Variants in ELOA observed in about 807,000 individuals in gnomAD.
ELOA encodes the protein elongin A.
ELOA carries 15 observed loss-of-function variants against 85.2 expected under a neutral mutation model. The ratio of observed to expected loss-of-function variants is 0.18; its 90% CI spans 0.12 to 0.27. The LOEUF is 0.27. ELOA is among the 10% of genes least tolerant of loss of function. The probability of loss-of-function intolerance (pLI) is 1.00; values close to 1 mark genes in which losing one functional copy is unlikely to be tolerated. For synonymous variants in ELOA, 348 were observed against 357.2 expected, an observed-to-expected ratio of 0.97 and a Z score of 0.29; for missense variants, 769 against 952.7, an observed-to-expected ratio of 0.81 and a Z score of 2.54.
intron 3 of ELOA, among the ~76,000 whole-genome samples, 199 bp downstream of exon 3, chr1:23,750,147 G>A (rs1262426607): frequency 7.1e-6 from 1 of 140,758 alleles, no homozygotes; most frequent in Admixed American, 7.1e-5. Flanking sequence ...AAAGACAAAC[G>A]TTATGAACAT....
intron 10 of ELOA, 78 bp from the exon 11 acceptor site, chr1:23,759,434 G>T: frequency 1.4e-6 from 2 of 1,420,620 alleles, no homozygotes; most frequent in Non-Finnish European, 2.0e-6. Context: ...TAGCAGAGCT[G>T]GCTTTGACTG....
chr1:23,751,137 C>A lies in ELOA; in HGVS notation c.532C>A (p.Gln178Lys). 6.2e-7 allele frequency: 1 copy of A among 1,614,088 alleles called. No individual in the cohort carries two copies. Among genetic ancestry groups the A allele is most frequent in the South Asian group, 1.1e-5 (1 of 91,076 alleles). ...DPESSDYGHV[Q>K]SPPSCTSPHQ... Reference sequence around the variant, plus strand: ...TGAGTCTTCTGATTATGGCCATGTTCAATCCCCTCCATCTTGTACCAGTCC... The same window carrying A: ...TGAGTCTTCTGATTATGGCCATGTTAAATCCCCTCCATCTTGTACCAGTCC... Residue 178 changes from glutamine (Q) to lysine (K), a missense_variant, in exon 4 of 11, where the codon CAA (glutamine) becomes AAA (lysine). Gln to Lys is a moderately conservative substitution (Grantham distance 53, BLOSUM62 1). This residue lies in a region of ELOA where 440 missense variants were observed against 474.0 expected (regional missense o/e 0.93). Coordinates refer to ENST00000613537, the MANE Select transcript of ELOA (RefSeq NM_003198.3).
intron 1 of ELOA, among the ~76,000 whole-genome samples, chr1:23,746,957 T>TG (rs2124456957): frequency 6.6e-6 from 1 of 152,348 alleles, no homozygotes; most frequent in African/African-American, 2.4e-5. Flanking sequence ...TTTTCTCTTG[T>TG]GTTAGACTAA....
chr1:23,756,145 A>AT lies in ELOA; in HGVS notation c.1972+125dup, dbSNP rs1350078854. On this transcript the variant is annotated intron_variant, in intron 8 of 10. Transcript: ENST00000613537. ...CCCTACATCAGGTAGCAGGGTGGGT[A>AT]TTTCTTCTGCCACCGCCCATTCTAC... The AT allele has an allele frequency of 2.8e-6, 4 of 1,439,288 alleles. No homozygotes were observed. The Admixed American group carries it at 7.2e-5, about 26-fold the overall frequency. The allele number at this position is 1,439,288 out of a possible 1,614,324, so 89.2% of individuals were successfully genotyped here.
Position 23,756,275 on chromosome 1 carries a change from C to G in ELOA, c.1974C>G (p.Gly658=). ...IQFAHANKPK[G]RQAKMAFVNS... ...ATGTTCATCTCCATAATTCCACAGG[C>G]CGACAAGCAAAGATGGCCTTTGTCA... is the stretch of plus-strand genomic sequence containing the variant. Residue 658 remains glycine (G), a splice_region_variant and synonymous_variant, in exon 9 of 11, where the codon GGC becomes GGG. Coordinates refer to ENST00000613537, the MANE Select transcript of ELOA (RefSeq NM_003198.3). The G allele has an allele frequency of 6.4e-7, 1 of 1,554,956 alleles. No homozygotes were observed. The highest frequency in any genetic ancestry group is 8.7e-7 in the Non-Finnish European group (1 of 1,149,704).
chr1:23,752,145 T>A, intron 4 of ELOA, 115 bp downstream of exon 4: 1 of 1,088,606 alleles, frequency 9.2e-7, no homozygotes. Context: ...ATGTTGAATT[T>A]CAGTGTGCAG....
rs147839391 is a variant in ELOA at position 23,756,143 on chromosome 1, G to A, written c.1972+120G>A. ...GCCCCTACATCAGGTAGCAGGGTGG[G>A]TATTTCTTCTGCCACCGCCCATTCT... On this transcript the variant is annotated intron_variant, in intron 8 of 10. Coordinates refer to ENST00000613537, the MANE Select transcript of ELOA (RefSeq NM_003198.3). 2.3e-3 allele frequency: 3,291 copies of A among 1,441,556 alleles called. 14 individuals carry two copies. Among genetic ancestry groups the A allele is most frequent in the Non-Finnish European group, 2.8e-3 (2,954 of 1,072,770 alleles). The allele number at this position is 1,441,556 out of a possible 1,614,324, so 89.3% of individuals were successfully genotyped here.
intron 1 of ELOA, among the ~76,000 whole-genome samples, chr1:23,748,471 C>T (rs1342822155): frequency 6.6e-6 from 1 of 152,134 alleles, no homozygotes; most frequent in Non-Finnish European, 1.5e-5. Context: ...TTGTGTCCAC[C>T]GTTAACATCC....
At position 23,749,629 on chromosome 1, in the gene ELOA, G is replaced by A. The variant is rs149916668; in HGVS notation, c.133-213G>A. On this transcript the variant is annotated intron_variant, in intron 2 of 10. Transcript: ENST00000613537. ...CCTAACACCTGCCCTAATCACTCTT[G>A]TTATTAAAGTTCTGAACTTGGTACG... 3.6e-3 allele frequency among the ~76,000 whole-genome samples: 551 copies of A among 152,234 alleles called. 3 individuals are homozygous for A. Among genetic ancestry groups the A allele is most frequent in the African/African-American group, 0.013 (528 of 41,552 alleles).
At position 23,761,598 on chromosome 1, in the gene ELOA, C is replaced by T. The variant is rs904828548; in HGVS notation, c.*2025C>T. The T allele has an allele frequency of 6.6e-6, 1 of 152,080 alleles. No individual in the cohort carries two copies. Among genetic ancestry groups the T allele is most frequent in the South Asian group, 2.1e-4 (1 of 4,820 alleles). 9.4% of individuals were successfully genotyped at this position (152,080 alleles called of 1,614,324 possible). A position where few individuals can be genotyped will look rare whatever the true frequency, so the allele number is the denominator to read the frequency against. On this transcript the variant is annotated 3_prime_UTR_variant, in exon 11 of 11. Transcript: ENST00000613537. ...ATAGAGCCAGATGTTTTCCCCTCCC[C>T]CAAGAGTATCTACATCAGGGATGTG... is the stretch of plus-strand genomic sequence containing the variant.
At position 23,751,378 on chromosome 1, in the gene ELOA, A is replaced by G; in HGVS notation, c.773A>G (p.Lys258Arg). 1 of 1,614,220 alleles carries G rather than the reference A, an allele frequency of 6.2e-7. No individual in the cohort carries two copies. ...AAGGACAAACGCCCCGTGGATGCCAAGAGTGATGAGAAGGCCTCTGTGGTG... is the reference window on the plus strand; with the variant it reads ...AAGGACAAACGCCCCGTGGATGCCAGGAGTGATGAGAAGGCCTCTGTGGTG... The part of the protein sequence containing the change: ...SHKDKRPVDA[K>R]SDEKASVVSR... The change falls in exon 4 of 11, where the codon AAG becomes AGG. Residue 258 changes from lysine to arginine, a missense_variant. By Grantham distance (26) the Lys-to-Arg change is conservative (BLOSUM62 2). This residue lies in a region of ELOA where 440 missense variants were observed against 474.0 expected (regional missense o/e 0.93). Transcript: ENST00000613537.
In ELOA at chr1:23,743,756, G is replaced by T. The variant is rs931668101; in HGVS notation, c.75+178G>T. Among the ~76,000 whole-genome samples the T allele has an allele frequency of 3.3e-5, 5 of 152,224 alleles. No homozygotes were observed. The East Asian group carries it at 7.7e-4, about 24-fold the overall frequency. On this transcript the variant is annotated intron_variant, in intron 1 of 10. Transcript: ENST00000613537. Reference sequence around the variant, plus strand: ...CCCGCGCGTTGGGACCCCGTGCGTCGGGCGTCGGGACGCGGGGCCCCGGCC... The same window carrying T: ...CCCGCGCGTTGGGACCCCGTGCGTCTGGCGTCGGGACGCGGGGCCCCGGCC...
chr1:23,751,132 A>G lies in ELOA; in HGVS notation c.527A>G (p.His176Arg), dbSNP rs767884062. The G allele has an allele frequency of 1.9e-6, 3 of 1,614,106 alleles. No individual in the cohort carries two copies. The highest frequency in any genetic ancestry group is 2.2e-5 in the South Asian group (2 of 91,088). ...SSDPESSDYG[H>R]VQSPPSCTSP... is the part of the protein sequence containing the mutation. ...GACCCTGAGTCTTCTGATTATGGCC[A>G]TGTTCAATCCCCTCCATCTTGTACC... Residue 176 changes from histidine to arginine, a missense_variant, in exon 4 of 11, where the codon CAT becomes CGT. His to Arg is a conservative substitution (Grantham distance 29). This residue lies in a region of ELOA where 440 missense variants were observed against 474.0 expected (regional missense o/e 0.93). Transcript: ENST00000613537.
intron 2 of ELOA, 28 bp downstream of exon 2, chr1:23,749,105 T>C (rs1295216608): frequency 2.6e-6 from 4 of 1,562,782 alleles, no homozygotes; most frequent in East Asian, 4.5e-5. Flanking sequence ...TTAAATATTA[T>C]ATAATGATAT....
chr1:23,758,265 T>A lies in ELOA; in HGVS notation c.2257+1140T>A, dbSNP rs1411490625. ...TCTTCCAATTTATTTATTTATTTTT[T>A]TTTTTTTTTTTTTTTTTTTTTTTTT... On this transcript the variant is annotated intron_variant, in intron 10 of 10. Transcript: ENST00000613537. Among the ~76,000 whole-genome samples the A allele has an allele frequency of 2.2e-3, 180 of 81,082 alleles. 6 individuals are homozygous for A. Among genetic ancestry groups the A allele is most frequent in the South Asian group, 4.4e-3 (8 of 1,816 alleles). 53.2% of individuals were successfully genotyped at this position (81,082 alleles called of 152,430 possible).
In ELOA at chr1:23,760,974, A is replaced by T. The variant is rs571608115; in HGVS notation, c.*1401A>T. 1 of 152,320 alleles carries T rather than the reference A, an allele frequency of 6.6e-6. No homozygotes were observed. The highest frequency in any genetic ancestry group is 1.9e-4 in the East Asian group (1 of 5,188). The allele number at this position is 152,320 out of a possible 1,614,324, so 9.4% of individuals were successfully genotyped here. A position where few individuals can be genotyped will look rare whatever the true frequency, so the allele number is the denominator to read the frequency against. On this transcript the variant is annotated 3_prime_UTR_variant, in exon 11 of 11. Transcript: ENST00000613537. ...TGCGTCCTTAAGGAACCTGACAAGC[A>T]GACTGAAGGGATGGTAAGTGTGACA...
chr1:23,755,354 G>A (rs1644789589), intron 7 of ELOA, among the ~76,000 whole-genome samples: 1 of 152,142 alleles, frequency 6.6e-6, no homozygotes, highest in South Asian at 2.1e-4. Context: ...AACTAGCATA[G>A]TGCCTCACAC....
Position 23,749,831 on chromosome 1 carries a change from T to A in ELOA, c.133-11T>A. ...CCAGACCCCTCTAACAATTACTTTG[T>A]CAAATTTTAGGAGACTGGGGTTGGG... On this transcript the variant is annotated splice_polypyrimidine_tract_variant and intron_variant, in intron 2 of 10. Transcript: ENST00000613537. 6.2e-7 allele frequency: 1 copy of A among 1,613,012 alleles called. No individual in the cohort carries two copies. Among genetic ancestry groups the A allele is most frequent in the Non-Finnish European group, 8.5e-7 (1 of 1,179,356 alleles).
At chr1:23,752,309 G>A (rs946051500) in intron 4 of ELOA, 98 bp from the exon 5 acceptor site, 5 of 1,201,750 alleles carry the variant, frequency 4.2e-6, no homozygotes, top group African/African-American at 3.0e-5. Context: ...GGATCTTCCT[G>A]TGCAAGATGT....
Sources: allele counts gnomAD v4.1 joint callset (sites outside exome capture counted in the v4.1 genomes callset), GRCh38; gene constraint gnomAD v4.1.1; regional missense constraint gnomAD v4.1.1; transcripts MANE v1.5; gene names NCBI Gene and HGNC (gene_info 2026-07-23, HGNC 2026-07-21).